Variants in DRD3 observed in about 807,000 individuals in gnomAD.
DRD3 encodes D(3) dopamine receptor.
Under a neutral mutation model 36.3 loss-of-function variants are expected in DRD3, and 19 were observed. The observed-to-expected ratio is 0.52, with a 90% CI of 0.36 to 0.77. The LOEUF (loss-of-function observed/expected upper bound fraction) is 0.77. Among genes scored for constraint, DRD3 ranks in the 30% least tolerant of loss-of-function variants. The probability of loss-of-function intolerance (pLI) is 0.00; values close to 1 mark genes in which losing one functional copy is unlikely to be tolerated. For missense variants in DRD3, 465 were observed against 505.3 expected, an observed-to-expected ratio of 0.92 and a Z score of 0.77; for synonymous variants, 195 against 203.7, an observed-to-expected ratio of 0.96 and a Z score of 0.36.
In DRD3 at chr3:114,139,532, A is replaced by T. The variant is rs150042478; in HGVS notation, c.691T>A (p.Cys231Ser). The T allele has an allele frequency of 2.8e-4, 447 of 1,614,048 alleles. No individual in the cohort carries two copies. The African/African-American group carries it at 5.4e-3, about 20-fold the overall frequency. ...KRILTRQNSQ[C>S]NSVRPGFPQQ... ...GGGAAGCCAGGCCTGACACTGTTGC[A>T]CTGACTGTTCTGTCGAGTGAGGATC... The change falls in exon 5 of 7, where the codon TGC becomes AGC. Residue 231 changes from cysteine to serine, a missense_variant. Cys to Ser is a moderately radical substitution (Grantham distance 112). Coordinates refer to ENST00000383673, the MANE Select transcript of DRD3 (RefSeq NM_000796.6).
chr3:114,173,967 T>G (rs556783117), intron 1 of DRD3, among the ~76,000 whole-genome samples: 8 of 152,184 alleles, frequency 5.3e-5, no homozygotes, highest in Admixed American at 2.0e-4. Flanking sequence ...CACTTTGAAA[T>G]GTTTCAGCCT....
At chr3:114,190,442 A>T (rs1560006203) in intron 1 of DRD3, among the ~76,000 whole-genome samples, 1 of 10,668 alleles carries the variant, frequency 9.4e-5, no homozygotes, top group South Asian at 3.0e-3. Flanking sequence ...ATATATATAT[A>T]TATATATATA....
Position 114,159,749 on chromosome 3 carries a change from C to T in DRD3, c.383+6G>A. On this transcript the variant is annotated splice_donor_region_variant and intron_variant, in intron 3 of 6. Transcript: ENST00000383673. ...GGGCCACCTGGAAGGGGAATTGCAG[C>T]CCTACCTGTCTATGCTGATGGCACA... The T allele has an allele frequency of 6.2e-7, 1 of 1,613,186 alleles. No homozygotes were observed. Among genetic ancestry groups the T allele is most frequent in the Non-Finnish European group, 8.5e-7 (1 of 1,179,428 alleles).
At chr3:114,138,061 C>T (rs1330872796) in intron 5 of DRD3, among the ~76,000 whole-genome samples, 10 of 145,336 alleles carry the variant, frequency 6.9e-5, no homozygotes, top group Admixed American at 7.0e-5. Flanking sequence ...CCCAGCTATT[C>T]GGGAGGCAGA....
At chr3:114,165,460 T>C (rs1011333235) in intron 2 of DRD3, among the ~76,000 whole-genome samples, 1 of 152,084 alleles carries the variant, frequency 6.6e-6, no homozygotes, top group Non-Finnish European at 1.5e-5. Flanking sequence ...TTAAAAAAGT[T>C]AAGAAAAAAA....
At chr3:114,135,916 C>T (rs571556594) in intron 5 of DRD3, among the ~76,000 whole-genome samples, 1 of 152,136 alleles carries the variant, frequency 6.6e-6, no homozygotes, top group Non-Finnish European at 1.5e-5. Context: ...TGGTCTCGAA[C>T]TCCTGACCTG....
At chr3:114,168,151 T>G (rs915385018) in intron 2 of DRD3, among the ~76,000 whole-genome samples, 1 of 152,234 alleles carries the variant, frequency 6.6e-6, no homozygotes, top group African/African-American at 2.4e-5. Flanking sequence ...GTGTCTTAAG[T>G]GAGATATTTA....
chr3:114,156,119 G>T (rs529127927), intron 3 of DRD3, among the ~76,000 whole-genome samples: 4 of 152,246 alleles, frequency 2.6e-5, no homozygotes, highest in South Asian at 2.1e-4. Context: ...ACTTCTTAGA[G>T]TATTTAAGGA....
At position 114,139,651 on chromosome 3, in the gene DRD3, T is replaced by C. The variant is rs2107838133; in HGVS notation, c.572A>G (p.Tyr191Cys). The C allele has an allele frequency of 1.2e-6, 2 of 1,613,606 alleles. No homozygotes were observed. The highest frequency in any genetic ancestry group is 1.7e-6 in the Non-Finnish European group (2 of 1,179,880). Residue 191 changes from tyrosine to cysteine, a missense_variant, in exon 5 of 7, where the codon TAC (tyrosine) becomes TGC (cysteine). By Grantham distance (194) the Tyr-to-Cys change is radical. Transcript: ENST00000383673. ...CAGGTAGAAGGACACCACTGAAGAG[T>C]AGATGACAAAATCAGGGTTGGAGAT... is the stretch of plus-strand genomic sequence containing the variant. ...CSISNPDFVI[Y>C]SSVVSFYLPF...
chr3:114,153,315 A>C (rs2077636146), intron 3 of DRD3, among the ~76,000 whole-genome samples: 2 of 152,136 alleles, frequency 1.3e-5, no homozygotes, highest in African/African-American at 4.8e-5. Context: ...AAACATTCAA[A>C]AGACGGTATT....
intron 3 of DRD3, among the ~76,000 whole-genome samples, chr3:114,156,582 A>G (rs2077669544): frequency 6.6e-6 from 1 of 151,856 alleles, no homozygotes; most frequent in Admixed American, 6.6e-5. Context: ...GGTCCTTCAT[A>G]GCACTATCAA....
intron 4 of DRD3, among the ~76,000 whole-genome samples, chr3:114,146,496 T>A (rs1353593330): frequency 6.6e-6 from 1 of 152,030 alleles, no homozygotes; most frequent in Non-Finnish European, 1.5e-5. Flanking sequence ...GGCGGGCTGA[T>A]CACTTGAGGT....
At chr3:114,148,892 T>C (rs1319272308) in intron 3 of DRD3, among the ~76,000 whole-genome samples, 1 of 152,114 alleles carries the variant, frequency 6.6e-6, no homozygotes, top group Non-Finnish European at 1.5e-5. Flanking sequence ...TTTTGTATTT[T>C]AGCAGAGATG....
rs147710642 is a variant in DRD3 at position 114,169,454 on chromosome 3, A to G, written c.270+2269T>C. Among the ~76,000 whole-genome samples the G allele has an allele frequency of 4.3e-3, 655 of 151,644 alleles. 8 individuals carry two copies. Among genetic ancestry groups the G allele is most frequent in the African/African-American group, 0.015 (620 of 41,360 alleles). On this transcript the variant is annotated intron_variant, in intron 2 of 6. Coordinates refer to ENST00000383673, the MANE Select transcript of DRD3 (RefSeq NM_000796.6). ...CTGAATCTTCCTTGTGTGAATATAG[A>G]TTTTAAAAATCATGCTCTTATTGCT...
At chr3:114,166,287 A>C (rs1220182023) in intron 2 of DRD3, among the ~76,000 whole-genome samples, 1 of 152,060 alleles carries the variant, frequency 6.6e-6, no homozygotes, top group Non-Finnish European at 1.5e-5. Flanking sequence ...TACCCGGCCA[A>C]CAGTTTGTAT....
chr3:114,166,096 C>T (rs2077781509), intron 2 of DRD3, among the ~76,000 whole-genome samples: 1 of 150,136 alleles, frequency 6.7e-6, no homozygotes, highest in Non-Finnish European at 1.5e-5. Context: ...AGCGATTCTT[C>T]TGCCTTAGCC....
upstream of DRD3, among the ~76,000 whole-genome samples, chr3:114,183,620 T>A (rs2077959599): frequency 6.6e-6 from 1 of 152,146 alleles, no homozygotes; most frequent in African/African-American, 2.4e-5. Context: ...TGAGGCATGT[T>A]AATGTTTAAA....
chr3:114,198,708 C>T (rs2078049689), intron 1 of DRD3, among the ~76,000 whole-genome samples: 1 of 152,086 alleles, frequency 6.6e-6, no homozygotes, highest in Non-Finnish European at 1.5e-5. Context: ...TACACACACA[C>T]CGCTACACTT....
intron 2 of DRD3, among the ~76,000 whole-genome samples, chr3:114,166,186 G>T (rs570612353): frequency 6.6e-6 from 1 of 151,842 alleles, no homozygotes; most frequent in Non-Finnish European, 1.5e-5. Context: ...GGGTTTTACC[G>T]TGTTGGCCAG....
Sources: allele counts gnomAD v4.1 joint callset (sites outside exome capture counted in the v4.1 genomes callset), GRCh38; gene constraint gnomAD v4.1.1; transcripts MANE v1.5; gene names NCBI Gene and HGNC (gene_info 2026-07-23, HGNC 2026-07-21).